The following PTK2 variants were observed in gnomAD, a reference collection of about 807,000 sequenced individuals.
The protein encoded by PTK2 is focal adhesion kinase 1.
PTK2 carries 45 observed loss-of-function variants against 150.1 expected under a neutral mutation model. The observed-to-expected ratio is 0.30, with a 90% CI of 0.24 to 0.38. PTK2 has a LOEUF of 0.38. Among genes scored for constraint, PTK2 ranks in the 10% least tolerant of loss-of-function variants. The pLI is 1.00. For synonymous variants in PTK2, 432 were observed against 449.2 expected, an observed-to-expected ratio of 0.96 and a Z score of 0.48; for missense variants, 919 against 1,307.3, an observed-to-expected ratio of 0.70 and a Z score of 4.58.
chr8:140,787,805 G>C (rs187848877), intron 14 of PTK2, among the ~76,000 whole-genome samples: 12 of 152,294 alleles, frequency 7.9e-5, no homozygotes, highest in Non-Finnish European at 1.2e-4. Context: ...AGTCCCCGGG[G>C]CTCATCCCAA....
chr8:140,913,228 A>G (rs934503517), intron 2 of PTK2, among the ~76,000 whole-genome samples: 2 of 152,224 alleles, frequency 1.3e-5, no homozygotes, highest in African/African-American at 4.8e-5. Flanking sequence ...CGAATTTATA[A>G]TAAGGCCAAA....
intron 1 of PTK2, among the ~76,000 whole-genome samples, chr8:140,941,258 A>G (rs2100175637): frequency 6.6e-6 from 1 of 152,202 alleles, no homozygotes; most frequent in Non-Finnish European, 1.5e-5. Flanking sequence ...TAAAAAGCAG[A>G]ACAATCAGCA....
At chr8:140,981,135 C>T (rs929193511) in intron 1 of PTK2, among the ~76,000 whole-genome samples, 1 of 147,776 alleles carries the variant, frequency 6.8e-6, no homozygotes, top group African/African-American at 2.5e-5. Context: ...TGGAAAAAAA[C>T]AATATCATTC....
chr8:140,665,119 T>C (rs2089107477), intron 30 of PTK2, 122 bp from the exon 35 acceptor site: 1 of 857,894 alleles, frequency 1.2e-6, no homozygotes, highest in African/African-American at 1.7e-5. Flanking sequence ...TTTCTTTTTC[T>C]CAGTGCTTAG....
At chr8:140,840,366 TA>T (rs1469419427) in intron 7 of PTK2, among the ~76,000 whole-genome samples, 1 of 152,150 alleles carries the variant, frequency 6.6e-6, no homozygotes, top group Non-Finnish European at 1.5e-5. Context: ...GTTTAAGAAA[TA>T]AAATCATATA....
chr8:140,782,311 C>G (rs1268909925), intron 14 of PTK2, among the ~76,000 whole-genome samples: 1 of 147,938 alleles, frequency 6.8e-6, no homozygotes, highest in East Asian at 2.0e-4. Context: ...GTGGGGTGAT[C>G]TCAGCTCACT....
chr8:140,813,278 G>A (rs950123076), intron 10 of PTK2, among the ~76,000 whole-genome samples: 5 of 152,114 alleles, frequency 3.3e-5, no homozygotes, highest in Non-Finnish European at 7.3e-5. Context: ...GCTCCCGAAT[G>A]ACTTTTGGGT....
At chr8:140,982,468 G>A (rs938835713) in intron 1 of PTK2, among the ~76,000 whole-genome samples, 2 of 152,118 alleles carry the variant, frequency 1.3e-5, no homozygotes, top group African/African-American at 4.8e-5. Context: ...ATGGTGGCGG[G>A]TGCCTGTAAT....
intron 22 of PTK2, chr8:140,734,664 C>G (rs750307287): frequency 2.0e-6 from 1 of 490,816 alleles, no homozygotes; most frequent in South Asian, 1.5e-5. Flanking sequence ...CCTGAACAAG[C>G]AATGGATGTT....
At chr8:140,997,757 A>C (rs1569550035) in intron 1 of PTK2, among the ~76,000 whole-genome samples, 2 of 152,026 alleles carry the variant, frequency 1.3e-5, no homozygotes, top group African/African-American at 2.4e-5. Context: ...TGTGCAACAT[A>C]GGGAGACCCC....
chr8:140,984,951 T>C (rs534515523), intron 1 of PTK2, among the ~76,000 whole-genome samples: 21 of 152,260 alleles, frequency 1.4e-4, no homozygotes, highest in Non-Finnish European at 2.5e-4. Flanking sequence ...CTGGGACTAC[T>C]TCAGGCATGT....
intron 31 of PTK2, among the ~76,000 whole-genome samples, chr8:140,661,293 C>T (rs1563766151): frequency 6.6e-6 from 1 of 152,256 alleles, no homozygotes; most frequent in East Asian, 1.9e-4. Context: ...GGGGAACAGA[C>T]AAGAGGCAGA....
intron 15 of PTK2, among the ~76,000 whole-genome samples, chr8:140,763,494 G>C (rs907729059): frequency 2.6e-5 from 4 of 151,272 alleles, no homozygotes; most frequent in Admixed American, 2.6e-4. Flanking sequence ...AAAAAAATAA[G>C]AAAATGAAAT....
intron 31 of PTK2, chr8:140,662,962 AG>A (rs1307518250): frequency 1.9e-5 from 8 of 416,412 alleles, no homozygotes; most frequent in Non-Finnish European, 3.0e-5. Flanking sequence ...AGGAGGCTGA[AG>A]AAAGCAACAC....
intron 5 of PTK2, among the ~76,000 whole-genome samples, chr8:140,857,467 T>C (rs945578572): frequency 6.6e-6 from 1 of 152,182 alleles, no homozygotes; most frequent in African/African-American, 2.4e-5. Flanking sequence ...TTCAATGACT[T>C]AGGATTCCAA....
At position 140,803,618 on chromosome 8, in the gene PTK2, T is replaced by G; in HGVS notation, c.900A>C (p.Gln300His). Reference sequence around the variant, plus strand: ...CTTCACTGTTTGAATACTGAATGGTTTGCACTTGAGTGAAGTCAGCAAGAT... The same window carrying G: ...CTTCACTGTTTGAATACTGAATGGTGTGCACTTGAGTGAAGTCAGCAAGAT... Residue 300 changes from glutamine (Q) to histidine (H), a missense_variant, in exon 11 of 32, where the codon CAA becomes CAC. Physicochemically the swap from Gln to His is conservative, Grantham distance 24. Around this residue, in one of 3 missense-constraint regions of PTK2, gnomAD observed 555 missense variants for 880.1 expected, o/e 0.63. Transcript: ENST00000522684. The G allele has an allele frequency of 1.9e-6, 3 of 1,614,092 alleles. No homozygotes were observed. The South Asian group carries it at 3.3e-5, about 18-fold the overall frequency.
chr8:140,713,777 A>G (rs2100038024), intron 23 of PTK2, among the ~76,000 whole-genome samples: 1 of 152,228 alleles, frequency 6.6e-6, no homozygotes, highest in African/African-American at 2.4e-5. Context: ...ATATGAAAAA[A>G]TTGGTATTAA....
chr8:140,773,137 A>G (rs2100076462), intron 14 of PTK2, among the ~76,000 whole-genome samples: 1 of 152,216 alleles, frequency 6.6e-6, no homozygotes, highest in African/African-American at 2.4e-5. Flanking sequence ...ACTAACTTAA[A>G]AAGTGAATTT....
intron 1 of PTK2, among the ~76,000 whole-genome samples, chr8:140,996,386 C>G (rs2100197808): frequency 1.3e-5 from 2 of 152,200 alleles, no homozygotes; most frequent in South Asian, 4.1e-4. Context: ...TCGAGAAGAT[C>G]TAGCTAAGAT....
Sources: allele counts gnomAD v4.1 joint callset (sites outside exome capture counted in the v4.1 genomes callset), GRCh38; gene constraint gnomAD v4.1.1; regional missense constraint gnomAD v4.1.1; transcripts MANE v1.5; gene names NCBI Gene and HGNC (gene_info 2026-07-23, HGNC 2026-07-21).